Variants in CDH13 observed in about 807,000 individuals in gnomAD.
The protein encoded by CDH13 is cadherin 13.
CDH13 carries 24 observed loss-of-function variants against 63.8 expected under a neutral mutation model. The ratio of observed to expected loss-of-function variants is 0.38; its 90% CI spans 0.27 to 0.53. The LOEUF (loss-of-function observed/expected upper bound fraction) is 0.53. CDH13 is among the 20% of genes least tolerant of loss of function. The probability of loss-of-function intolerance (pLI) is 0.85; values close to 1 mark genes in which losing one functional copy is unlikely to be tolerated. For missense variants in CDH13, 1,049 were observed against 903.1 expected (o/e 1.16, Z -2.07); for synonymous variants, 503 against 355.3 (o/e 1.42, Z -4.67).
intron 5 of CDH13, among the ~76,000 whole-genome samples, chr16:83,265,747 T>C (rs1407350405): frequency 1.4e-5 from 2 of 139,852 alleles, no homozygotes; most frequent in East Asian, 4.4e-4. Context: ...TTTTTTTTTT[T>C]TTTTTTGGTC....
intron 2 of CDH13, among the ~76,000 whole-genome samples, chr16:82,972,512 T>C (rs1597331495): frequency 6.6e-6 from 1 of 152,206 alleles, no homozygotes; most frequent in Non-Finnish European, 1.5e-5. Context: ...CCTTGGGACC[T>C]GGGGAGGTTA....
intron 8 of CDH13, among the ~76,000 whole-genome samples, chr16:83,649,139 G>A (rs1598412262): frequency 6.6e-6 from 1 of 152,192 alleles, no homozygotes; most frequent in African/African-American, 2.4e-5. Flanking sequence ...CTCAGGTGTG[G>A]CAGTGAGGTT....
At chr16:83,043,501 G>GCA (rs1917509040) in intron 3 of CDH13, among the ~76,000 whole-genome samples, 1 of 138,264 alleles carries the variant, frequency 7.2e-6, no homozygotes, top group Non-Finnish European at 1.7e-5. Context: ...GTGTGTGTGT[G>GCA]TGTGTGTGTG....
chr16:82,725,798 A>G (rs2033063518), intron 1 of CDH13, among the ~76,000 whole-genome samples: 1 of 152,176 alleles, frequency 6.6e-6, no homozygotes, highest in Non-Finnish European at 1.5e-5. Flanking sequence ...TGATAGCAAG[A>G]CTTACTTATT....
chr16:82,892,281 G>C (rs1019087883), intron 2 of CDH13, among the ~76,000 whole-genome samples: 5 of 152,200 alleles, frequency 3.3e-5, no homozygotes, highest in Admixed American at 6.5e-5. Flanking sequence ...ATTTGCTTTT[G>C]TTATTATTAC....
intron 3 of CDH13, among the ~76,000 whole-genome samples, chr16:83,083,652 C>T (rs995682076): frequency 3.3e-5 from 5 of 152,242 alleles, no homozygotes; most frequent in Non-Finnish European, 2.9e-5. Flanking sequence ...GATGCCAACT[C>T]GCAGAGAAAC....
chr16:83,214,100 C>T (rs567867428), intron 4 of CDH13, among the ~76,000 whole-genome samples: 1 of 152,018 alleles, frequency 6.6e-6, no homozygotes, highest in Admixed American at 6.5e-5. Context: ...GCTCGGATCC[C>T]CTTCCACACC....
chr16:83,090,839 C>T (rs994690507), intron 3 of CDH13, among the ~76,000 whole-genome samples: 1 of 151,630 alleles, frequency 6.6e-6, no homozygotes, highest in Non-Finnish European at 1.5e-5. Context: ...CGGAAACATA[C>T]GCTTTTTAAG....
At position 83,795,764 on chromosome 16, in the gene CDH13, T is replaced by C. The variant is rs1201706191; in HGVS notation, c.*734T>C. On this transcript the variant is annotated 3_prime_UTR_variant, in exon 14 of 14. Transcript: ENST00000567109. ...GAGGTGAGGAGCAGAGCAGGCAATT[T>C]CACCACCAAATGCCAAGAAAAGGGC... 2.6e-5 allele frequency: 4 copies of C among 152,560 alleles called. No homozygotes were observed. Among genetic ancestry groups the C allele is most frequent in the African/African-American group, 9.6e-5 (4 of 41,462 alleles). The allele number at this position is 152,560 out of a possible 1,614,324, so 9.5% of individuals were successfully genotyped here. A position where few individuals can be genotyped will look rare whatever the true frequency, so the allele number is the denominator to read the frequency against.
At position 83,032,160 on chromosome 16, in the gene CDH13, C is replaced by G. The variant is rs199539898; in HGVS notation, c.308C>G (p.Ala103Gly). The G allele has an allele frequency of 1.9e-6, 3 of 1,613,686 alleles. No homozygotes were observed. The highest frequency in any genetic ancestry group is 4.5e-5 in the East Asian group (2 of 44,804). ...TTCGTCCATGCACGGACCCCCCATG[C>G]GGAAGATATGGCAGAACTCGTGATT... is the stretch of plus-strand genomic sequence containing the variant. The part of the protein sequence containing the change: ...TLFVHARTPH[A>G]EDMAELVIVG... The change falls in exon 3 of 14, where the codon GCG becomes GGG. Residue 103 changes from alanine to glycine, a missense_variant. Ala to Gly is a moderately conservative substitution (Grantham distance 60). Coordinates refer to ENST00000567109, the MANE Select transcript of CDH13 (RefSeq NM_001257.5).
Position 82,680,397 on chromosome 16 carries a change from C to G in CDH13, c.45+53260C>G, listed in dbSNP as rs74468526. On this transcript the variant is annotated intron_variant, in intron 1 of 13. Coordinates refer to ENST00000567109, the MANE Select transcript of CDH13 (RefSeq NM_001257.5). ...AGGTTAGGTAGTTTGGCCCTCATCA[C>G]AGTGCCAGGAGGTGCGGGTGTAAGA... Among the ~76,000 whole-genome samples, 5 of 152,310 alleles carry G rather than the reference C, an allele frequency of 3.3e-5. No homozygotes were observed. The East Asian group carries it at 9.7e-4, about 29-fold the overall frequency.
chr16:83,503,821 A>G (rs962380968), intron 7 of CDH13, among the ~76,000 whole-genome samples: 5 of 151,422 alleles, frequency 3.3e-5, no homozygotes, highest in Non-Finnish European at 1.5e-5. Context: ...GATTGCAAAA[A>G]TTTTCTCCCA....
chr16:82,824,685 C>T (rs920587004), intron 1 of CDH13: 1 of 151,980 alleles, frequency 6.6e-6, no homozygotes, highest in Non-Finnish European at 1.5e-5. Context: ...TGGAAACAAT[C>T]CAAATGATTC....
intron 1 of CDH13, among the ~76,000 whole-genome samples, chr16:82,759,626 G>A (rs1384438955): frequency 1.3e-5 from 2 of 151,192 alleles, no homozygotes; most frequent in African/African-American, 4.9e-5. Flanking sequence ...AAATGACTTT[G>A]GTCCATATGC....
intron 6 of CDH13, among the ~76,000 whole-genome samples, chr16:83,392,238 T>A (rs947779361): frequency 1.2e-4 from 18 of 152,186 alleles, no homozygotes; most frequent in Admixed American, 1.2e-3. Flanking sequence ...AAACCTCAGT[T>A]TCCTCATCTG....
intron 1 of CDH13, among the ~76,000 whole-genome samples, chr16:82,668,021 T>A (rs956375037): frequency 2.6e-5 from 4 of 152,198 alleles, no homozygotes; most frequent in African/African-American, 9.6e-5. Context: ...TTACCAGGAC[T>A]GCGCTCTGAA....
At chr16:83,398,906 G>A (rs916181151) in intron 6 of CDH13, among the ~76,000 whole-genome samples, 20 of 152,294 alleles carry the variant, frequency 1.3e-4, no homozygotes, top group Admixed American at 1.3e-3. Flanking sequence ...ATTATTTGCA[G>A]AGATAGGACA....
At chr16:82,915,612 C>T (rs1450400994) in intron 2 of CDH13, among the ~76,000 whole-genome samples, 1 of 151,908 alleles carries the variant, frequency 6.6e-6, no homozygotes, top group Non-Finnish European at 1.5e-5. Flanking sequence ...CCTAAAATAT[C>T]CTCCCAAACT....
intron 3 of CDH13, among the ~76,000 whole-genome samples, chr16:83,080,876 T>TG (rs2033191759): frequency 5.3e-5 from 5 of 94,740 alleles, no homozygotes; most frequent in Admixed American, 1.1e-4. Context: ...TTTGTGTTTT[T>TG]TTTTTTTTTT....
Sources: allele counts gnomAD v4.1 joint callset (sites outside exome capture counted in the v4.1 genomes callset), GRCh38; gene constraint gnomAD v4.1.1; transcripts MANE v1.5; gene names NCBI Gene and HGNC (gene_info 2026-07-23, HGNC 2026-07-21).